KIF7: variants seen among roughly 807,000 people sequenced by gnomAD.
KIF7 encodes kinesin family member 7.
Under a neutral mutation model 135.7 loss-of-function variants are expected in KIF7, and 104 were observed. The ratio of observed to expected loss-of-function variants is 0.77; its 90% CI spans 0.65 to 0.90. The LOEUF (loss-of-function observed/expected upper bound fraction) is 0.90, where lower values mean the gene tolerates loss of function less well. KIF7 is among the 40% of genes least tolerant of loss of function. The probability of loss-of-function intolerance (pLI) is 0.00; values close to 1 mark genes in which losing one functional copy is unlikely to be tolerated. For synonymous variants in KIF7, 883 were observed against 809.4 expected, an observed-to-expected ratio of 1.09 and a Z score of -1.54; for missense variants, 2,005 against 1,839.1, an observed-to-expected ratio of 1.09 and a Z score of -1.65.
chr15:89,648,386 G>T lies in KIF7; in HGVS notation c.1312C>A (p.Arg438Ser). ...GCGCACAGCCAGTCGCGCACCTTGC[G>T]GGCGGCGGCGCCGGGCAGCCCGGGC... ...AEPGLPGAAA[R>S]KVRDWLCAVE... Residue 438 changes from arginine (R) to serine (S), a missense_variant, in exon 5 of 19, where the codon CGC becomes AGC. Physicochemically the swap from Arg to Ser is moderately radical, Grantham distance 110. Coordinates refer to ENST00000394412, the MANE Select transcript of KIF7 (RefSeq NM_198525.3). 1 of 1,180,602 alleles carries T rather than the reference G, an allele frequency of 8.5e-7. No homozygotes were observed. Among genetic ancestry groups the T allele is most frequent in the South Asian group, 3.2e-5 (1 of 31,568 alleles). The allele number at this position is 1,180,602 out of a possible 1,614,324, so 73.1% of individuals were successfully genotyped here. A position where few individuals can be genotyped will look rare whatever the true frequency, so the allele number is the denominator to read the frequency against.
chr15:89,629,011 TTC>T lies in KIF7; in HGVS notation c.3627_3628del (p.Lys1210AlafsTer29), dbSNP rs1186474637. The T allele has an allele frequency of 1.9e-6, 3 of 1,613,632 alleles. No individual in the cohort carries two copies. The highest frequency in any genetic ancestry group is 1.7e-5 in the Admixed American group (1 of 59,974). On this transcript the variant is annotated frameshift_variant, in exon 18 of 19. Coordinates refer to ENST00000394412, the MANE Select transcript of KIF7 (RefSeq NM_198525.3). LOFTEE classifies it low-confidence loss of function (END_TRUNC). Reference sequence around the variant, plus strand: ...GCCTACAGCGTTCACACCGCCGAGCTTCTGTTTCAGTTCCTGGTTTATCCACA... The same window carrying T: ...GCCTACAGCGTTCACACCGCCGAGCTTGTTTCAGTTCCTGGTTTATCCACA...
intron 11 of KIF7, among the ~76,000 whole-genome samples, chr15:89,636,842 A>G (rs1415608660): frequency 1.3e-5 from 2 of 149,684 alleles, no homozygotes; most frequent in Non-Finnish European, 3.0e-5. Context: ...ATAGACACCT[A>G]CAGAACTCTC....
chr15:89,631,733 T>C (rs1321095841), intron 14 of KIF7, 23 bp from the exon 15 acceptor site: 1 of 1,541,620 alleles, frequency 6.5e-7, no homozygotes, highest in East Asian at 2.5e-5. Context: ...TCACCAGGGA[T>C]TAGAGAAGGA....
At chr15:89,618,006 A>G (rs1293494616) in intron 2 of KIF7, 1 of 818,328 alleles carries the variant, frequency 1.2e-6, no homozygotes, top group East Asian at 2.5e-5. Context: ...TCTTGACAAT[A>G]ATCACGTATG....
chr15:89,633,548 AAC>A, intron 12 of KIF7, 136 bp downstream of exon 12: 1 of 986,300 alleles, frequency 1.0e-6, no homozygotes, highest in African/African-American at 1.6e-5. Flanking sequence ...CAGATGAAAA[AAC>A]AGACTCAGGC....
At chr15:89,617,438 T>C (rs1276022561) in intron 2 of KIF7, among the ~76,000 whole-genome samples, 1 of 152,208 alleles carries the variant, frequency 6.6e-6, no homozygotes, top group Non-Finnish European at 1.5e-5. Flanking sequence ...TTGGTATAAT[T>C]TTTTAATATA....
rs770366525 is a variant in KIF7 at position 89,630,284 on chromosome 15, C to T, written c.3318+3G>A. 5.0e-6 allele frequency: 8 copies of T among 1,614,026 alleles called. No homozygotes were observed. The highest frequency in any genetic ancestry group is 3.3e-4 in the Middle Eastern group (2 of 6,060). ...GCTGGGGGGCCATGGGCTGCTGGCC[C>T]ACCTTGTCAAAATACTTGCAGAGGA... On this transcript the variant is annotated splice_donor_region_variant and intron_variant, in intron 16 of 18. Transcript: ENST00000394412.
At chr15:89,640,255 C>T (rs2142013566) in intron 11 of KIF7, among the ~76,000 whole-genome samples, 1 of 151,998 alleles carries the variant, frequency 6.6e-6, no homozygotes, top group Non-Finnish European at 1.5e-5. Flanking sequence ...AACTAACCTG[C>T]ACATTGTGCA....
chr15:89,645,283 A>G lies in KIF7; in HGVS notation c.2038+53T>C, dbSNP rs894159. 1,594,914 of 1,603,976 alleles carry G rather than the reference A, an allele frequency of 0.99. 793,174 individuals carry two copies. The highest frequency in any genetic ancestry group is 1 in the Middle Eastern group (6,045 of 6,046). On this transcript the variant is annotated intron_variant, in intron 9 of 18. Transcript: ENST00000394412. ...GACTGTCCCAAGGTGGCTGGCCCAG[A>G]ACCGTGGAGGGGCAGTGGGGAGGAG...
At chr15:89,636,987 C>T (rs1963822215) in intron 11 of KIF7, among the ~76,000 whole-genome samples, 1 of 80,422 alleles carries the variant, frequency 1.2e-5, no homozygotes, top group South Asian at 4.8e-4. Context: ...ATCTCTCAGA[C>T]CACAGTGCAA....
At chr15:89,645,705 C>A (rs1963999950) in intron 8 of KIF7, among the ~76,000 whole-genome samples, 188 bp downstream of exon 8, 1 of 152,138 alleles carries the variant, frequency 6.6e-6, no homozygotes, top group African/African-American at 2.4e-5. Context: ...CACACTCGCT[C>A]CAGTGAGACC....
chr15:89,629,089 C>T lies in KIF7; in HGVS notation c.3551G>A (p.Arg1184Lys). The change falls in exon 18 of 19, where the codon AGG (arginine) becomes AAG (lysine). Residue 1184 changes from arginine (R) to lysine (K), a missense_variant. By Grantham distance (26) the Arg-to-Lys change is conservative. Coordinates refer to ENST00000394412, the MANE Select transcript of KIF7 (RefSeq NM_198525.3). ...HLGEGLADSR[R>K]QYEARIQALE... ...AGCTTGAATCCGGGCCTCATACTGC[C>T]TCCTGCTGTCTGCTAACCCTTCACC... 1 of 1,613,080 alleles carries T rather than the reference C, an allele frequency of 6.2e-7. No homozygotes were observed. Among genetic ancestry groups the T allele is most frequent in the South Asian group, 1.1e-5 (1 of 91,010 alleles).
chr15:89,628,220 G>A lies in KIF7; in HGVS notation c.*199C>T. Reference sequence around the variant, plus strand: ...ACAGCTTCATGGAAGTAAGTGGTGGGAATTTGCATATTATTTTGTTAAATG... The same window carrying A: ...ACAGCTTCATGGAAGTAAGTGGTGGAAATTTGCATATTATTTTGTTAAATG... On this transcript the variant is annotated 3_prime_UTR_variant, in exon 19 of 19. Transcript: ENST00000394412. 1.7e-6 allele frequency: 1 copy of A among 584,540 alleles called. No individual in the cohort carries two copies. Among genetic ancestry groups the A allele is most frequent in the Admixed American group, 3.1e-5 (1 of 32,606 alleles). 36.2% of individuals were successfully genotyped at this position (584,540 alleles called of 1,614,324 possible). A position where few individuals can be genotyped will look rare whatever the true frequency, so the allele number is the denominator to read the frequency against.
At chr15:89,622,579 T>G (rs1223544892) in intron 1 of KIF7, among the ~76,000 whole-genome samples, 1 of 152,172 alleles carries the variant, frequency 6.6e-6, no homozygotes, top group African/African-American at 2.4e-5. Flanking sequence ...GCTTGGAGGT[T>G]GGGAAAGACA....
At chr15:89,622,694 C>T (rs1963446373) in intron 1 of KIF7, among the ~76,000 whole-genome samples, 2 of 152,214 alleles carry the variant, frequency 1.3e-5, no homozygotes, top group East Asian at 3.8e-4. Context: ...TCTGGCCTCA[C>T]CCCTCCCCGC....
chr15:89,620,714 TTTTG>T (rs557806413), intron 1 of KIF7, among the ~76,000 whole-genome samples: 2,129 of 151,928 alleles, frequency 0.014, 58 homozygotes, highest in African/African-American at 0.049. Context: ...TTTTCTTATG[TTTTG>T]TTTGTTTGTT....
chr15:89,639,790 G>A (rs1327686510), intron 11 of KIF7, among the ~76,000 whole-genome samples: 1 of 150,434 alleles, frequency 6.6e-6, no homozygotes, highest in Non-Finnish European at 1.5e-5. Flanking sequence ...TCCCATTACT[G>A]GGTATATACC....
chr15:89,634,678 G>A (rs373833628), intron 11 of KIF7, among the ~76,000 whole-genome samples: 14 of 152,214 alleles, frequency 9.2e-5, no homozygotes, highest in South Asian at 2.1e-4. Context: ...AGGGTCCTAC[G>A]CCCACAGAGT....
At position 89,629,372 on chromosome 15, in the gene KIF7, C is replaced by G. The variant is rs751138379; in HGVS notation, c.3517+3G>C. On this transcript the variant is annotated splice_donor_region_variant and intron_variant, in intron 17 of 18. Coordinates refer to ENST00000394412, the MANE Select transcript of KIF7 (RefSeq NM_198525.3). ...GTTGTGAGCCATGGGCCGGGCTGCT[C>G]ACCTCGACTCTGCTGCAGGAGCAGC... 1 of 1,590,862 alleles carries G rather than the reference C, an allele frequency of 6.3e-7. No individual in the cohort carries two copies.
Sources: allele counts gnomAD v4.1 joint callset (sites outside exome capture counted in the v4.1 genomes callset), GRCh38; gene constraint gnomAD v4.1.1; transcripts MANE v1.5; gene names NCBI Gene and HGNC (gene_info 2026-07-23, HGNC 2026-07-21).